Variants in ZNF148 observed in about 807,000 individuals in gnomAD.
ZNF148 encodes the protein zinc finger protein 148, also known as Beta-Enolase Repressor Factor-1.
In ZNF148, 7 loss-of-function variants were observed where a neutral mutation model predicts 67.7. That is an observed-to-expected ratio of 0.10 (90% CI 0.06 to 0.19). ZNF148 has a LOEUF of 0.19. ZNF148 is among the 10% of genes least tolerant of loss of function. ZNF148 has a pLI of 1.00. For missense variants in ZNF148, 583 were observed against 947.1 expected (o/e 0.62, Z 5.05); for synonymous variants, 333 against 330.7 (o/e 1.01, Z -0.08).
chr3:125,346,761 C>T (rs1559772984), intron 1 of ZNF148, among the ~76,000 whole-genome samples: 2 of 152,146 alleles, frequency 1.3e-5, no homozygotes, highest in Non-Finnish European at 2.9e-5. Flanking sequence ...CAGGCCTCCC[C>T]AGCCAATTAA....
At position 125,233,766 on chromosome 3, in the gene ZNF148, C is replaced by T. The variant is rs372331433; in HGVS notation, c.960G>A (p.Thr320=). The change falls in exon 9 of 9, where the codon ACG becomes ACA. Residue 320 remains threonine (T), a synonymous_variant. Transcript: ENST00000360647. The surrounding 1 kb of genome is among the most constrained non-coding windows in gnomAD (Gnocchi z 5.1). ...TGTCCATTCCAGATGATTTTTTCTC[C>T]GTTTTCTGCCTTTTCTTTTTTGGCA... ...NSLPKKKRQK[T]EKKSSGMDKE... The T allele has an allele frequency of 5.4e-5, 87 of 1,613,558 alleles. No individual in the cohort carries two copies. The highest frequency in any genetic ancestry group is 1.7e-4 in the Middle Eastern group (1 of 6,056).
chr3:125,300,353 A>G (rs1322997716), intron 4 of ZNF148, among the ~76,000 whole-genome samples: 1 of 152,196 alleles, frequency 6.6e-6, no homozygotes, highest in Non-Finnish European at 1.5e-5. Context: ...TAAGGACCCA[A>G]CAGCCAGTGC....
chr3:125,227,041 A>C lies in ZNF148; in HGVS notation c.*5300T>G, dbSNP rs1469139259. On this transcript the variant is annotated 3_prime_UTR_variant, in exon 9 of 9. Coordinates refer to ENST00000360647, the MANE Select transcript of ZNF148 (RefSeq NM_021964.3). The stretch of plus-strand genomic sequence containing the variant: ...GTTGAGTCCTTCCCAATGATTTCTT[A>C]GGGAGTTGAAGAAACAACCTGCTGC... The C allele has an allele frequency of 6.6e-6, 1 of 152,126 alleles. No homozygotes were observed. The highest frequency in any genetic ancestry group is 1.5e-5 in the Non-Finnish European group (1 of 68,010). 9.4% of individuals were successfully genotyped at this position (152,126 alleles called of 1,614,324 possible).
At chr3:125,268,863 A>C (rs1265569127) in intron 7 of ZNF148, among the ~76,000 whole-genome samples, 2 of 152,184 alleles carry the variant, frequency 1.3e-5, no homozygotes, top group East Asian at 1.9e-4. Flanking sequence ...GGACTTAAAG[A>C]AACTAGAGTT....
chr3:125,354,488 T>C (rs1453811462), intron 1 of ZNF148, among the ~76,000 whole-genome samples: 1 of 152,258 alleles, frequency 6.6e-6, no homozygotes, highest in Non-Finnish European at 1.5e-5. Flanking sequence ...TCTGAAAATA[T>C]TTCATGTAAA....
Position 125,233,567 on chromosome 3 carries a change from G to A in ZNF148, c.1159C>T (p.Pro387Ser). The change falls in exon 9 of 9, where the codon CCA (proline) becomes TCA (serine). Residue 387 changes from proline to serine, a missense_variant. Physicochemically the swap from Pro to Ser is moderately conservative, Grantham distance 74 (BLOSUM62 -1). Transcript: ENST00000360647. This position sits in a 1 kb window ranked among gnomAD's most constrained non-coding sequence, Gnocchi z 5.1. ...HLEDASGEIH[P>S]PKLVLKKINS... ...ATTTTTTTGAGAACTAACTTAGGTGGGTGTATTTCTCCTGACGCATCTTCT... is the reference window on the plus strand; with the variant it reads ...ATTTTTTTGAGAACTAACTTAGGTGAGTGTATTTCTCCTGACGCATCTTCT... 6.2e-7 allele frequency: 1 copy of A among 1,613,866 alleles called. No individual in the cohort carries two copies. Among genetic ancestry groups the A allele is most frequent in the Non-Finnish European group, 8.5e-7 (1 of 1,179,942 alleles).
chr3:125,230,457 G>A lies in ZNF148; in HGVS notation c.*1884C>T, dbSNP rs957937082. On this transcript the variant is annotated 3_prime_UTR_variant, in exon 9 of 9. Coordinates refer to ENST00000360647, the MANE Select transcript of ZNF148 (RefSeq NM_021964.3). ...TTGGCAGCAAAGAAAGCTGTCAAACGGGAAAACTACTATTTCAAGCAAAAC... is the reference window on the plus strand; with the variant it reads ...TTGGCAGCAAAGAAAGCTGTCAAACAGGAAAACTACTATTTCAAGCAAAAC... 13 of 152,398 alleles carry A rather than the reference G, an allele frequency of 8.5e-5. No individual in the cohort carries two copies. The highest frequency in any genetic ancestry group is 9.7e-5 in the African/African-American group (4 of 41,398). 9.4% of individuals were successfully genotyped at this position (152,398 alleles called of 1,614,324 possible).
chr3:125,268,770 A>C (rs1229459796), intron 7 of ZNF148, among the ~76,000 whole-genome samples: 1 of 152,176 alleles, frequency 6.6e-6, no homozygotes, highest in Non-Finnish European at 1.5e-5. Context: ...GCTTGAGGCC[A>C]GGAGTTCAAG....
Position 125,244,714 on chromosome 3 carries a change from T to A in ZNF148, c.668-10385A>T, listed in dbSNP as rs112680718. Among the ~76,000 whole-genome samples, 1,441 of 152,244 alleles carry A rather than the reference T, an allele frequency of 9.5e-3. 10 individuals are homozygous for A. Among genetic ancestry groups the A allele is most frequent in the Non-Finnish European group, 0.014 (977 of 68,004 alleles). The stretch of plus-strand genomic sequence containing the variant: ...GGTTTCACCATGTTGGCCAGGCTGG[T>A]CTTGAACTCCTGACCTCAAGTGATC... On this transcript the variant is annotated intron_variant, in intron 7 of 8. Transcript: ENST00000360647.
intron 4 of ZNF148, among the ~76,000 whole-genome samples, chr3:125,294,280 T>C (rs1332778553): frequency 6.6e-6 from 1 of 152,150 alleles, no homozygotes; most frequent in Non-Finnish European, 1.5e-5. Context: ...CAATGAAATG[T>C]GGGTCCTGAA....
intron 7 of ZNF148, among the ~76,000 whole-genome samples, chr3:125,236,327 G>C (rs1475829348): frequency 1.3e-5 from 2 of 152,126 alleles, no homozygotes; most frequent in African/African-American, 4.8e-5. Context: ...CCCTCACAGA[G>C]TGTTGGGGTT....
At chr3:125,274,151 T>G (rs757247416) in intron 7 of ZNF148, among the ~76,000 whole-genome samples, 4 of 152,186 alleles carry the variant, frequency 2.6e-5, no homozygotes, top group Non-Finnish European at 4.4e-5. Context: ...CAGACAAAAG[T>G]ACTTGATCCA....
At chr3:125,234,478 A>C in intron 7 of ZNF148, 149 bp from the exon 8 acceptor site, 1 of 606,588 alleles carries the variant, frequency 1.6e-6, no homozygotes, top group Non-Finnish European at 2.9e-6. Flanking sequence ...AAAAATGAAA[A>C]GGATTAGCAT....
chr3:125,290,031 GCCA>G (rs998891169), intron 4 of ZNF148, among the ~76,000 whole-genome samples: 1 of 151,900 alleles, frequency 6.6e-6, no homozygotes, highest in African/African-American at 2.4e-5. Context: ...GTCCAGATAT[GCCA>G]CCACCACCAC....
In ZNF148 at chr3:125,277,760, C is replaced by T; in HGVS notation, c.633G>A (p.Lys211=). ...TCTTCTCATGTCTCTGAAGCAGGTA[C>T]TTCTGTATGAAACGCATGTCACATT... is the stretch of plus-strand genomic sequence containing the variant. ...CSQCDMRFIQ[K]YLLQRHEKIH... The change falls in exon 7 of 9, where the codon AAG becomes AAA. Residue 211 remains lysine (K), a synonymous_variant. Transcript: ENST00000360647. 6.2e-7 allele frequency: 1 copy of T among 1,611,898 alleles called. No homozygotes were observed. The highest frequency in any genetic ancestry group is 8.5e-7 in the Non-Finnish European group (1 of 1,179,244).
Position 125,231,668 on chromosome 3 carries a change from G to T in ZNF148, c.*673C>A, listed in dbSNP as rs1935859248. ...GACTGCTTCAACAGTTGTGTGTTTTGGTAAAAGTTCTGAAAGTATGCATAT... is the reference window on the plus strand; with the variant it reads ...GACTGCTTCAACAGTTGTGTGTTTTTGTAAAAGTTCTGAAAGTATGCATAT... On this transcript the variant is annotated 3_prime_UTR_variant, in exon 9 of 9. Transcript: ENST00000360647. The T allele has an allele frequency of 6.6e-6, 1 of 152,482 alleles. No homozygotes were observed. Among genetic ancestry groups the T allele is most frequent in the African/African-American group, 2.4e-5 (1 of 41,504 alleles). The allele number at this position is 152,482 out of a possible 1,614,324, so 9.4% of individuals were successfully genotyped here. A position where few individuals can be genotyped will look rare whatever the true frequency, so the allele number is the denominator to read the frequency against.
chr3:125,357,717 T>G (rs750370473), intron 1 of ZNF148: 1 of 152,292 alleles, frequency 6.6e-6, no homozygotes, highest in Non-Finnish European at 1.5e-5. Context: ...CATTTAATGA[T>G]GCTTGTCAAT....
intron 4 of ZNF148, among the ~76,000 whole-genome samples, chr3:125,312,987 C>T (rs915590793): frequency 6.6e-6 from 1 of 152,028 alleles, no homozygotes; most frequent in Non-Finnish European, 1.5e-5. Context: ...TTTCTAGTTA[C>T]GTTGAAGATT....
Position 125,232,068 on chromosome 3 carries a change from T to G in ZNF148, c.*273A>C, listed in dbSNP as rs1485280848. The G allele has an allele frequency of 6.2e-6, 2 of 320,938 alleles. No individual in the cohort carries two copies. Among genetic ancestry groups the G allele is most frequent in the East Asian group, 1.0e-4 (2 of 20,070 alleles). The allele number at this position is 320,938 out of a possible 1,614,324, so 19.9% of individuals were successfully genotyped here. A position where few individuals can be genotyped will look rare whatever the true frequency, so the allele number is the denominator to read the frequency against. The stretch of plus-strand genomic sequence containing the variant: ...CAATTGTGCGAAAGTCTTTTTTTTT[T>G]CCTTTTTAACTTGGTGTGGGTGGAA... On this transcript the variant is annotated 3_prime_UTR_variant, in exon 9 of 9. Transcript: ENST00000360647. The surrounding 1 kb of genome is among the most constrained non-coding windows in gnomAD (Gnocchi z 4.2).
Sources: allele counts gnomAD v4.1 joint callset (sites outside exome capture counted in the v4.1 genomes callset), GRCh38; gene constraint gnomAD v4.1.1; non-coding constraint Gnocchi (gnomAD v3.1); transcripts MANE v1.5; gene names NCBI Gene and HGNC (gene_info 2026-07-23, HGNC 2026-07-21).